The following ZNF804A variants were observed in gnomAD, a reference collection of about 807,000 sequenced individuals.
ZNF804A encodes zinc finger protein 804A.
In ZNF804A, 2 loss-of-function variants were observed where a neutral mutation model predicts 16.5. The observed-to-expected ratio is 0.12, with a 90% CI of 0.05 to 0.38. ZNF804A has a LOEUF of 0.38. ZNF804A is among the 10% of genes least tolerant of loss of function. The pLI is 0.99. For missense variants in ZNF804A, 1,473 were observed against 1,390.7 expected (o/e 1.06, Z -0.94); for synonymous variants, 534 against 489.6 (o/e 1.09, Z -1.20).
intron 2 of ZNF804A, among the ~76,000 whole-genome samples, chr2:184,908,870 C>T (rs1685318155): frequency 1.3e-5 from 2 of 152,030 alleles, no homozygotes; most frequent in Non-Finnish European, 2.9e-5. Flanking sequence ...AGCAAATATC[C>T]AGTAAAGGAT....
At chr2:184,693,817 G>T (rs920683602) in intron 1 of ZNF804A, among the ~76,000 whole-genome samples, 1 of 150,786 alleles carries the variant, frequency 6.6e-6, no homozygotes, top group African/African-American at 2.4e-5. Context: ...TCAGCTTGGC[G>T]TCAGTGAACA....
chr2:184,623,245 A>T (rs1425452683), intron 1 of ZNF804A, among the ~76,000 whole-genome samples: 3 of 152,114 alleles, frequency 2.0e-5, no homozygotes, highest in Non-Finnish European at 4.4e-5. Flanking sequence ...AATACTGGGA[A>T]GTAATGGGAT....
intron 1 of ZNF804A, among the ~76,000 whole-genome samples, chr2:184,682,039 C>T (rs1213847464): frequency 2.6e-5 from 4 of 152,216 alleles, no homozygotes; most frequent in African/African-American, 7.2e-5. Context: ...GCCTCAGCCC[C>T]CTCTGAAACT....
At chr2:184,697,744 G>T (rs567010755) in intron 1 of ZNF804A, among the ~76,000 whole-genome samples, 1 of 152,098 alleles carries the variant, frequency 6.6e-6, no homozygotes, top group South Asian at 2.1e-4. Context: ...AGCACTTGTT[G>T]TACTTCATAA....
intron 1 of ZNF804A, among the ~76,000 whole-genome samples, chr2:184,665,690 T>G (rs1038965261): frequency 5.9e-5 from 9 of 152,164 alleles, no homozygotes; most frequent in African/African-American, 2.2e-4. Context: ...TCATTTAGTT[T>G]GTTGGCTGAA....
intron 1 of ZNF804A, among the ~76,000 whole-genome samples, chr2:184,624,872 A>G (rs1269882982): frequency 6.6e-6 from 1 of 152,164 alleles, no homozygotes; most frequent in Non-Finnish European, 1.5e-5. Context: ...AAATTTGAAA[A>G]TATATCACTT....
At chr2:184,828,164 A>G (rs1201784400) in intron 1 of ZNF804A, among the ~76,000 whole-genome samples, 2 of 151,828 alleles carry the variant, frequency 1.3e-5, no homozygotes, top group African/African-American at 4.8e-5. Context: ...TCCAAACTGT[A>G]AAAAACAAGA....
At chr2:184,652,696 T>A (rs1186871010) in intron 1 of ZNF804A, among the ~76,000 whole-genome samples, 3 of 152,144 alleles carry the variant, frequency 2.0e-5, no homozygotes, top group Non-Finnish European at 4.4e-5. Context: ...TACCTTTTGA[T>A]CTCTTTCTAT....
At chr2:184,678,692 A>C (rs1420689580) in intron 1 of ZNF804A, among the ~76,000 whole-genome samples, 2 of 152,164 alleles carry the variant, frequency 1.3e-5, no homozygotes, top group Non-Finnish European at 2.9e-5. Context: ...AGTATAGCCC[A>C]CCTCAAAAGC....
intron 1 of ZNF804A, among the ~76,000 whole-genome samples, chr2:184,731,921 C>T (rs1377523257): frequency 6.6e-6 from 1 of 151,840 alleles, no homozygotes; most frequent in Non-Finnish European, 1.5e-5. Flanking sequence ...TATTAATAAA[C>T]TGTTAATGTT....
At position 184,755,870 on chromosome 2, in the gene ZNF804A, A is replaced by G. The variant is rs372146765; in HGVS notation, c.112-110499A>G. Among the ~76,000 whole-genome samples the G allele has an allele frequency of 3.3e-5, 5 of 151,916 alleles. No homozygotes were observed. In the East Asian group the frequency reaches 9.7e-4, roughly 29 times the overall value. ...ACAACTAGACATTTTTCTGAATTCT[A>G]CTCCCAGAAGAGGAGAGAATATATT... On this transcript the variant is annotated intron_variant, in intron 1 of 3. Coordinates refer to ENST00000302277, the MANE Select transcript of ZNF804A (RefSeq NM_194250.2).
At chr2:184,819,925 A>G (rs1350961891) in intron 1 of ZNF804A, among the ~76,000 whole-genome samples, 1 of 152,092 alleles carries the variant, frequency 6.6e-6, no homozygotes, top group Non-Finnish European at 1.5e-5. Context: ...GGCAGTAATA[A>G]AGAGCCTACC....
At chr2:184,911,385 G>A (rs778577022) in intron 2 of ZNF804A, among the ~76,000 whole-genome samples, 17 of 151,928 alleles carry the variant, frequency 1.1e-4, no homozygotes, top group Non-Finnish European at 1.9e-4. Flanking sequence ...TTACAGTATC[G>A]TTTGAAGTCT....
chr2:184,631,008 T>C (rs1370406100), intron 1 of ZNF804A, among the ~76,000 whole-genome samples: 2 of 152,154 alleles, frequency 1.3e-5, no homozygotes, highest in Non-Finnish European at 2.9e-5. Context: ...TGTGAAAATA[T>C]TCTAGTAACT....
chr2:184,884,375 A>C (rs572049093), intron 2 of ZNF804A, among the ~76,000 whole-genome samples: 1 of 152,146 alleles, frequency 6.6e-6, no homozygotes, highest in African/African-American at 2.4e-5. Flanking sequence ...CATACTTTCC[A>C]AAGCAACTTA....
chr2:184,855,939 G>T (rs1695680055), intron 1 of ZNF804A, among the ~76,000 whole-genome samples: 1 of 151,992 alleles, frequency 6.6e-6, no homozygotes, highest in African/African-American at 2.4e-5. Context: ...TCAGTAAGGA[G>T]AAACAAATGA....
At chr2:184,775,502 T>C (rs1213603811) in intron 1 of ZNF804A, among the ~76,000 whole-genome samples, 1 of 151,704 alleles carries the variant, frequency 6.6e-6, no homozygotes, top group African/African-American at 2.4e-5. Flanking sequence ...GGTTCTACAC[T>C]TCTACTTTAG....
chr2:184,791,865 T>C (rs888456088), intron 1 of ZNF804A, among the ~76,000 whole-genome samples: 1 of 152,196 alleles, frequency 6.6e-6, no homozygotes, highest in Admixed American at 6.5e-5. Context: ...CTGATAGTTT[T>C]ACTTATCTTC....
At position 184,770,245 on chromosome 2, in the gene ZNF804A, C is replaced by T. The variant is rs140790404; in HGVS notation, c.112-96124C>T. 9.1e-3 allele frequency among the ~76,000 whole-genome samples: 1,382 copies of T among 152,132 alleles called. 23 individuals are homozygous for T. Among genetic ancestry groups the T allele is most frequent in the African/African-American group, 0.032 (1,321 of 41,552 alleles). On this transcript the variant is annotated intron_variant, in intron 1 of 3. Coordinates refer to ENST00000302277, the MANE Select transcript of ZNF804A (RefSeq NM_194250.2). Reference sequence around the variant, plus strand: ...ATTGTGTGTGAGTTTTGGTGCTCCCCTTTCCTTTTATACTTAGAATTCACC... The same window carrying T: ...ATTGTGTGTGAGTTTTGGTGCTCCCTTTTCCTTTTATACTTAGAATTCACC...
Sources: allele counts gnomAD v4.1 joint callset (sites outside exome capture counted in the v4.1 genomes callset), GRCh38; gene constraint gnomAD v4.1.1; transcripts MANE v1.5; gene names NCBI Gene and HGNC (gene_info 2026-07-23, HGNC 2026-07-21).